Variants in SRP54 observed in about 807,000 individuals in gnomAD.
SRP54 encodes signal recognition particle 54.
Under a neutral mutation model 64.8 loss-of-function variants are expected in SRP54, and 10 were observed. The ratio of observed to expected loss-of-function variants is 0.15; its 90% CI spans 0.10 to 0.26. The LOEUF is 0.26. Among genes scored for constraint, SRP54 ranks in the 10% least tolerant of loss-of-function variants. The probability of loss-of-function intolerance (pLI) is 1.00; values close to 1 mark genes in which losing one functional copy is unlikely to be tolerated. For synonymous variants in SRP54, 193 were observed against 185.6 expected, an observed-to-expected ratio of 1.04 and a Z score of -0.32; for missense variants, 325 against 613.7, an observed-to-expected ratio of 0.53 and a Z score of 4.97.
chr14:34,984,614 G>A (rs958126972), intron 1 of SRP54, among the ~76,000 whole-genome samples: 2 of 152,126 alleles, frequency 1.3e-5, no homozygotes, highest in Non-Finnish European at 2.9e-5. Context: ...CAATTCTCCT[G>A]CCTCAGCCTT....
intron 15 of SRP54, 104 bp downstream of exon 15, chr14:35,028,287 G>T (rs1595020719): frequency 1.5e-6 from 1 of 685,384 alleles, no homozygotes; most frequent in Non-Finnish European, 2.4e-6. Flanking sequence ...TGTTCAAAAG[G>T]TGTGTGATTT....
At chr14:34,999,506 A>G in intron 2 of SRP54, 52 bp from the exon 3 acceptor site, 1 of 1,364,300 alleles carries the variant, frequency 7.3e-7, no homozygotes, top group Non-Finnish European at 1.0e-6. Context: ...TTTTTATGGA[A>G]CTGAAATGAA....
chr14:35,010,719 C>G (rs183384066), intron 7 of SRP54, among the ~76,000 whole-genome samples: 5 of 151,896 alleles, frequency 3.3e-5, no homozygotes, highest in African/African-American at 4.8e-5. Context: ...GAGCCGAGAT[C>G]GCACCACTGC....
intron 4 of SRP54, among the ~76,000 whole-genome samples, chr14:35,002,656 C>G (rs548242090): frequency 1.3e-5 from 2 of 149,154 alleles, no homozygotes; most frequent in Admixed American, 1.3e-4. Context: ...AGGATGGTCT[C>G]TATCTCTTGA....
intron 11 of SRP54, among the ~76,000 whole-genome samples, chr14:35,016,850 T>C (rs796796699): frequency 2.0e-5 from 2 of 99,054 alleles, no homozygotes; most frequent in South Asian, 3.5e-4. Flanking sequence ...CTTTTCTTTT[T>C]TTTTTTTTTT....
At chr14:34,988,610 A>ATAACATATATATAACAT (rs2043940112) in intron 1 of SRP54, among the ~76,000 whole-genome samples, 2 of 138,470 alleles carry the variant, frequency 1.4e-5, no homozygotes, top group Non-Finnish European at 3.1e-5. Context: ...ATATATATAT[A>ATAACATATATATAACAT]ATGTATATAT....
chr14:35,021,046 A>G (rs888151789), intron 13 of SRP54, among the ~76,000 whole-genome samples: 4 of 152,330 alleles, frequency 2.6e-5, no homozygotes, highest in East Asian at 1.9e-4. Flanking sequence ...TGTTTCATAA[A>G]TCTTTTATAA....
At chr14:35,017,206 T>C (rs1287846195) in intron 11 of SRP54, among the ~76,000 whole-genome samples, 1 of 152,194 alleles carries the variant, frequency 6.6e-6, no homozygotes, top group Non-Finnish European at 1.5e-5. Flanking sequence ...CTGCTACCAC[T>C]ATGAAGCTGG....
At chr14:35,013,269 A>T (rs1376468454) in intron 8 of SRP54, 77 bp from the exon 9 acceptor site, 2 of 1,392,048 alleles carry the variant, frequency 1.4e-6, no homozygotes, top group Non-Finnish European at 9.9e-7. Flanking sequence ...ATATTGTTTT[A>T]TAGCTTCTAA....
In SRP54 at chr14:35,018,694, C is replaced by A; in HGVS notation, c.976C>A (p.Gln326Lys). Residue 326 changes from glutamine (Q) to lysine (K), a missense_variant and splice_region_variant, in exon 12 of 16, where the codon CAG (glutamine) becomes AAG (lysine). Gln to Lys is a moderately conservative substitution (Grantham distance 53). Transcript: ENST00000216774. ...GAATTATTTACATTGTATTTCAGGT[C>A]AGTTTACGTTGCGAGACATGTATGA... is the stretch of plus-strand genomic sequence containing the variant. ...EALIEKLKHG[Q>K]FTLRDMYEQF... 6.2e-7 allele frequency: 1 copy of A among 1,611,292 alleles called. No homozygotes were observed. The highest frequency in any genetic ancestry group is 1.1e-5 in the South Asian group (1 of 90,248).
intron 11 of SRP54, among the ~76,000 whole-genome samples, chr14:35,018,178 A>G (rs949989779): frequency 6.6e-6 from 1 of 152,162 alleles, no homozygotes. Context: ...TTTGATATTA[A>G]TTCATGTAGT....
At chr14:35,028,799 G>A (rs1406087913) in intron 15 of SRP54, among the ~76,000 whole-genome samples, 5 of 152,054 alleles carry the variant, frequency 3.3e-5, no homozygotes, top group African/African-American at 1.2e-4. Flanking sequence ...TATGTGACCG[G>A]TAGTATCCTA....
At chr14:35,011,691 G>T in intron 8 of SRP54, 32 bp downstream of exon 8, 1 of 1,440,638 alleles carries the variant, frequency 6.9e-7, no homozygotes, top group South Asian at 1.7e-5. Context: ...ACTATTATTA[G>T]GACTTTGGTT....
rs897125715 is a variant in SRP54, at chr14:35,002,368, CAAAA to C, written c.255+1353_255+1356del. On this transcript the variant is annotated intron_variant, in intron 4 of 15. Transcript: ENST00000216774. ...GACCCTGTCTTTAAAAAAAAACAAA[CAAAA>C]AAAATTTTTTAGAGCATTAGATGCC... is the stretch of plus-strand genomic sequence containing the variant. 4.0e-5 allele frequency among the ~76,000 whole-genome samples: 6 copies of C among 151,578 alleles called. No individual in the cohort carries two copies. In the East Asian group the frequency reaches 9.7e-4, roughly 24 times the overall value.
rs909961186 is a variant in SRP54, at chr14:35,025,845, C to A, written c.1328-2243C>A. On this transcript the variant is annotated intron_variant, in intron 14 of 15. Transcript: ENST00000216774. ...TGGAGAATCAGGAGGAGCTTTGAGTCCCATATTTTATAAATGCTTCTGAGA... is the reference window on the plus strand; with the variant it reads ...TGGAGAATCAGGAGGAGCTTTGAGTACCATATTTTATAAATGCTTCTGAGA... Among the ~76,000 whole-genome samples the A allele has an allele frequency of 4.6e-5, 7 of 152,030 alleles. No homozygotes were observed. The South Asian group carries it at 1.5e-3, about 32-fold the overall frequency.
intron 1 of SRP54, among the ~76,000 whole-genome samples, chr14:34,988,597 C>CATATATATATATAACAT (rs1555352781): frequency 0.012 from 899 of 77,578 alleles, 12 homozygotes; most frequent in Middle Eastern, 0.04. Context: ...ATATATATAA[C>CATATATATATATAACAT]ATATATATAT....
rs28456062 is a variant in SRP54, at chr14:35,007,467, G to A, written c.360+80G>A. The A allele has an allele frequency of 0.8, 537,798 of 668,294 alleles. 218,678 individuals carry two copies. The highest frequency in any genetic ancestry group is 0.84 in the Non-Finnish European group (381,315 of 453,772). 41.4% of individuals were successfully genotyped at this position (668,294 alleles called of 1,614,324 possible). ...CAAGTTTTGTATTTAATATAAAAAT[G>A]TAAAGCCTGGCTTTATAATGTTGAA... On this transcript the variant is annotated intron_variant, in intron 5 of 15. Coordinates refer to ENST00000216774, the MANE Select transcript of SRP54 (RefSeq NM_003136.4).
intron 1 of SRP54, among the ~76,000 whole-genome samples, chr14:34,988,107 T>G (rs2043925671): frequency 1.3e-5 from 2 of 152,152 alleles, no homozygotes; most frequent in Admixed American, 6.6e-5. Context: ...TTTTCTACCT[T>G]AAATATTTCT....
chr14:34,998,446 T>C (rs1184309854), intron 2 of SRP54, among the ~76,000 whole-genome samples: 1 of 152,194 alleles, frequency 6.6e-6, no homozygotes, highest in Non-Finnish European at 1.5e-5. Flanking sequence ...ATTCTGCTGC[T>C]CTAATAAAAA....
Sources: gnomAD v4.1 joint callset for allele counts (sites outside exome capture counted in the v4.1 genomes callset) on GRCh38, gnomAD v4.1.1 for gene constraint, MANE v1.5 for transcripts, NCBI Gene and HGNC (gene_info 2026-07-23, HGNC 2026-07-21) for gene names.